BANK1: variants seen among roughly 807,000 people sequenced by gnomAD.
BANK1 encodes the protein B-cell scaffold protein with ankyrin repeats.
Under a neutral mutation model 94.5 loss-of-function variants are expected in BANK1, and 95 were observed. The ratio of observed to expected loss-of-function variants is 1.00; its 90% CI spans 0.85 to 1.19. BANK1 has a LOEUF of 1.19. Ranked by LOEUF, BANK1 falls within the 50% of genes most tolerant of loss-of-function variation. The probability of loss-of-function intolerance (pLI) is 0.00; values close to 1 mark genes in which losing one functional copy is unlikely to be tolerated. For synonymous variants in BANK1, 334 were observed against 308.4 expected (o/e 1.08, Z -0.87); for missense variants, 987 against 932.2 (o/e 1.06, Z -0.77).
At chr4:101,895,489 A>C in intron 6 of BANK1, 79 bp downstream of exon 6, 1 of 837,264 alleles carries the variant, frequency 1.2e-6, no homozygotes, top group Non-Finnish European at 1.9e-6. Context: ...TGTTATAACC[A>C]AAAATATAGG....
At chr4:101,836,219 G>A (rs980594057) in intron 2 of BANK1, among the ~76,000 whole-genome samples, 1 of 151,976 alleles carries the variant, frequency 6.6e-6, no homozygotes, top group Non-Finnish European at 1.5e-5. Context: ...GGTGGCTCAC[G>A]CCTGTAATCC....
At chr4:101,915,932 A>G (rs915404930) in intron 6 of BANK1, among the ~76,000 whole-genome samples, 1 of 152,090 alleles carries the variant, frequency 6.6e-6, no homozygotes, top group African/African-American at 2.4e-5. Flanking sequence ...AAAAGGTTTC[A>G]TAAACACAGC....
intron 6 of BANK1, among the ~76,000 whole-genome samples, chr4:101,906,611 T>C (rs1366368234): frequency 6.6e-6 from 1 of 152,184 alleles, no homozygotes; most frequent in East Asian, 1.9e-4. Flanking sequence ...ACATGCTGTG[T>C]AACCTCTTCT....
chr4:101,909,747 A>G (rs763415841), intron 6 of BANK1, among the ~76,000 whole-genome samples: 1 of 152,230 alleles, frequency 6.6e-6, no homozygotes, highest in African/African-American at 2.4e-5. Context: ...TCCCAACAAC[A>G]TATATAAAAA....
Position 101,861,251 on chromosome 4 carries a change from G to A in BANK1, c.625-1275G>A, listed in dbSNP as rs116297115. Among the ~76,000 whole-genome samples, 892 of 152,298 alleles carry A rather than the reference G, an allele frequency of 5.9e-3. 15 individuals are homozygous for A. Among genetic ancestry groups the A allele is most frequent in the African/African-American group, 0.02 (846 of 41,558 alleles). On this transcript the variant is annotated intron_variant, in intron 3 of 16. Transcript: ENST00000322953. ...ATGCCTGAAGTAGATTTTTGTGTGA[G>A]CTGAAATGATTCTATAACATCAACA...
At chr4:101,855,529 G>C (rs986683481) in intron 3 of BANK1, among the ~76,000 whole-genome samples, 5 of 152,076 alleles carry the variant, frequency 3.3e-5, no homozygotes, top group African/African-American at 1.2e-4. Flanking sequence ...GAATTAATAG[G>C]CATTTGTTAC....
chr4:102,016,347 G>C (rs1726698039), intron 7 of BANK1, among the ~76,000 whole-genome samples: 2 of 152,116 alleles, frequency 1.3e-5, no homozygotes, highest in African/African-American at 4.8e-5. Flanking sequence ...TCCTGGTATA[G>C]TGTTTTGTGC....
chr4:102,072,478 C>A, intron 15 of BANK1, 78 bp downstream of exon 15: 1 of 1,092,102 alleles, frequency 9.2e-7, no homozygotes, highest in Non-Finnish European at 1.4e-6. Context: ...GCCTTCTATC[C>A]TGTCTATGCT....
intron 8 of BANK1, 30 bp downstream of exon 8, chr4:102,021,622 G>A: frequency 1.2e-5 from 9 of 773,746 alleles, no homozygotes; most frequent in South Asian, 2.6e-5. Context: ...ATATATATAT[G>A]ACATATTCAT....
chr4:101,942,686 C>T (rs1723794459), intron 7 of BANK1, among the ~76,000 whole-genome samples: 1 of 151,774 alleles, frequency 6.6e-6, no homozygotes, highest in African/African-American at 2.4e-5. Flanking sequence ...AATGTAAAAT[C>T]AGACTTTGTA....
At chr4:101,992,398 T>C (rs1018397988) in intron 7 of BANK1, among the ~76,000 whole-genome samples, 42 of 152,174 alleles carry the variant, frequency 2.8e-4, no homozygotes, top group African/African-American at 9.6e-4. Context: ...ATAGGAAATA[T>C]GGGCACAATA....
chr4:101,954,767 A>G (rs1023260963), intron 7 of BANK1, among the ~76,000 whole-genome samples: 1 of 152,204 alleles, frequency 6.6e-6, no homozygotes, highest in Non-Finnish European at 1.5e-5. Flanking sequence ...TTACTGAAAC[A>G]TAAGTATTTT....
chr4:101,819,332 CT>C (rs917039117), intron 1 of BANK1, among the ~76,000 whole-genome samples: 6 of 152,076 alleles, frequency 3.9e-5, no homozygotes, highest in Non-Finnish European at 7.4e-5. Context: ...TAGAAAACCC[CT>C]TTTTCAAAGG....
At position 101,798,301 on chromosome 4, in the gene BANK1, G is replaced by T. The variant is rs76839485; in HGVS notation, c.70+7351G>T. The stretch of plus-strand genomic sequence containing the variant: ...AAGCAGCTGAAGATGTGGCATCAAG[G>T]AAAGGATTTTACTTTCATTGTTGCT... On this transcript the variant is annotated intron_variant, in intron 1 of 16. Transcript: ENST00000322953. 3.8e-3 allele frequency among the ~76,000 whole-genome samples: 584 copies of T among 152,254 alleles called. 3 individuals are homozygous for T. Among genetic ancestry groups the T allele is most frequent in the African/African-American group, 0.014 (565 of 41,542 alleles).
At position 101,936,489 on chromosome 4, in the gene BANK1, T is replaced by C. The variant is rs549464447; in HGVS notation, c.1206+18300T>C. On this transcript the variant is annotated intron_variant, in intron 7 of 16. Transcript: ENST00000322953. ...TATGATATATACACATACATGTGTA[T>C]ACATATATGTATAAGATGTATACAT... 8.0e-5 allele frequency among the ~76,000 whole-genome samples: 12 copies of C among 150,494 alleles called. No individual in the cohort carries two copies. The East Asian group carries it at 2.4e-3, about 30-fold the overall frequency.
At chr4:102,038,718 G>T (rs1358965113) in intron 10 of BANK1, among the ~76,000 whole-genome samples, 1 of 152,102 alleles carries the variant, frequency 6.6e-6, no homozygotes. Context: ...AAAGTTTCTA[G>T]AATGTAAATA....
At chr4:102,032,885 A>G (rs1403731060) in intron 10 of BANK1, among the ~76,000 whole-genome samples, 3 of 134,420 alleles carry the variant, frequency 2.2e-5, no homozygotes, top group Non-Finnish European at 3.4e-5. Flanking sequence ...ACTCCATCAA[A>G]AAATATAAAA....
intron 11 of BANK1, among the ~76,000 whole-genome samples, chr4:102,045,104 C>T (rs1727834653): frequency 6.6e-6 from 1 of 152,074 alleles, no homozygotes; most frequent in South Asian, 2.1e-4. Context: ...GAAGTCCTTG[C>T]CCATGCCTAT....
At chr4:101,822,544 G>T (rs1342302113) in intron 1 of BANK1, among the ~76,000 whole-genome samples, 1 of 151,468 alleles carries the variant, frequency 6.6e-6, no homozygotes, top group Admixed American at 6.6e-5. Flanking sequence ...ATAGTTTTTT[G>T]ATCACAGCAT....
Sources: allele counts gnomAD v4.1 joint callset (sites outside exome capture counted in the v4.1 genomes callset), GRCh38; gene constraint gnomAD v4.1.1; transcripts MANE v1.5; gene names NCBI Gene and HGNC (gene_info 2026-07-23, HGNC 2026-07-21).